Variants in RIOK1 observed in about 807,000 individuals in gnomAD.
The protein encoded by RIOK1 is serine/threonine-protein kinase RIO1.
RIOK1 carries 66 observed loss-of-function variants against 73.5 expected under a neutral mutation model. That is an observed-to-expected ratio of 0.90 (90% CI 0.74 to 1.10). RIOK1 has a LOEUF of 1.10. Ranked by LOEUF, RIOK1 falls within the 50% of genes least tolerant of loss-of-function variation. The pLI, the probability that RIOK1 is intolerant of heterozygous loss-of-function variation, is 0.00. For missense variants in RIOK1, 658 were observed against 699.8 expected, an observed-to-expected ratio of 0.94 and a Z score of 0.67; for synonymous variants, 224 against 226.8, an observed-to-expected ratio of 0.99 and a Z score of 0.11.
At chr6:7,405,170 C>T in intron 11 of RIOK1, 79 bp from the exon 12 acceptor site, 1 of 1,079,178 alleles carries the variant, frequency 9.3e-7, no homozygotes, top group Non-Finnish European at 1.4e-6. Flanking sequence ...AATTTTATCT[C>T]CTTGTTTCTC....
intron 12 of RIOK1, among the ~76,000 whole-genome samples, chr6:7,407,460 A>G (rs1453265135): frequency 6.7e-6 from 1 of 149,256 alleles, no homozygotes; most frequent in East Asian, 1.9e-4. Context: ...CTTCTTGCCC[A>G]TTTATATATT....
chr6:7,397,812 A>C (rs890444417), intron 4 of RIOK1, among the ~76,000 whole-genome samples: 1 of 152,224 alleles, frequency 6.6e-6, no homozygotes, highest in African/African-American at 2.4e-5. Context: ...GAAGCAAATC[A>C]GAGTCTGCAT....
chr6:7,397,947 T>C lies in RIOK1; in HGVS notation c.438-751T>C, dbSNP rs1314294623. 3.9e-5 allele frequency among the ~76,000 whole-genome samples: 6 copies of C among 152,214 alleles called. No homozygotes were observed. In the South Asian group the frequency reaches 6.2e-4, roughly 16 times the overall value. On this transcript the variant is annotated intron_variant, in intron 4 of 16. Transcript: ENST00000379834. Reference sequence around the variant, plus strand: ...ACAAGGTCAGGAGATCGAGACCATCTTGGCTAACAAGGTGAAATCCTGTCT... The same window carrying C: ...ACAAGGTCAGGAGATCGAGACCATCCTGGCTAACAAGGTGAAATCCTGTCT...
At chr6:7,401,222 C>T (rs1284044349) in intron 6 of RIOK1, among the ~76,000 whole-genome samples, 172 bp downstream of exon 6, 1 of 152,140 alleles carries the variant, frequency 6.6e-6, no homozygotes, top group Non-Finnish European at 1.5e-5. Context: ...TTTTCACTAC[C>T]GCTGCTGCAT....
chr6:7,413,312 C>T (rs1292739536), intron 15 of RIOK1, among the ~76,000 whole-genome samples: 1 of 152,146 alleles, frequency 6.6e-6, no homozygotes, highest in Non-Finnish European at 1.5e-5. Flanking sequence ...AATGTAGTCT[C>T]CTACCAGGGT....
At position 7,393,219 on chromosome 6, in the gene RIOK1, C is replaced by T. The variant is rs2274212; in HGVS notation, c.192C>T (p.Asp64=). 838,106 of 1,594,490 alleles carry T rather than the reference C, an allele frequency of 0.53. 213,361 individuals are homozygous for T. Among genetic ancestry groups the T allele is most frequent in the South Asian group, 0.58 (51,815 of 89,790 alleles). The part of the protein sequence containing the change: ...EIEDEEEEGY[D]DDDDDWDWDE... ...AAGATGAGGAGGAGGAGGGTTATGA[C>T]GATGATGATGATGACTGGGACTGGG... is the stretch of plus-strand genomic sequence containing the variant. The change falls in exon 2 of 17, where the codon GAC becomes GAT. Residue 64 remains aspartate, a synonymous_variant. Coordinates refer to ENST00000379834, the MANE Select transcript of RIOK1 (RefSeq NM_031480.3).
At chr6:7,395,261 C>A in intron 3 of RIOK1, 118 bp downstream of exon 3, 1 of 1,191,804 alleles carries the variant, frequency 8.4e-7, no homozygotes, top group Non-Finnish European at 1.2e-6. Context: ...CGCCTGTAAT[C>A]CCGGCACTTT....
At chr6:7,391,346 G>T (rs1761335723) in intron 1 of RIOK1, among the ~76,000 whole-genome samples, 1 of 152,090 alleles carries the variant, frequency 6.6e-6, no homozygotes, top group Non-Finnish European at 1.5e-5. Flanking sequence ...ATTCGAATTG[G>T]GTAAGTAGTA....
At chr6:7,416,606 C>CCACT (rs1051098434) in intron 16 of RIOK1, among the ~76,000 whole-genome samples, 2 of 148,582 alleles carry the variant, frequency 1.3e-5, no homozygotes, top group African/African-American at 4.9e-5. Flanking sequence ...CGAGATCACG[C>CCACT]CACTGCATGC....
chr6:7,401,742 G>A (rs1761619105), intron 6 of RIOK1, among the ~76,000 whole-genome samples: 1 of 124,758 alleles, frequency 8.0e-6, no homozygotes, highest in Admixed American at 9.5e-5. Flanking sequence ...GTGGTGGCAT[G>A]TTCTCAGCTC....
intron 4 of RIOK1, among the ~76,000 whole-genome samples, chr6:7,397,156 C>T (rs1761495751): frequency 6.6e-6 from 1 of 152,142 alleles, no homozygotes; most frequent in Non-Finnish European, 1.5e-5. Context: ...CCCAGCTACT[C>T]AGGAGGCTGA....
chr6:7,413,090 C>T, intron 15 of RIOK1, 148 bp downstream of exon 15: 1 of 450,106 alleles, frequency 2.2e-6, no homozygotes, highest in Non-Finnish European at 3.9e-6. Context: ...CTTTCAAAGT[C>T]TGTGGACATC....
Position 7,414,374 on chromosome 6 carries a change from C to G in RIOK1, c.1580C>G (p.Pro527Arg), listed in dbSNP as rs1761951726. 6.2e-7 allele frequency: 1 copy of G among 1,602,946 alleles called. No individual in the cohort carries two copies. The highest frequency in any genetic ancestry group is 8.5e-7 in the Non-Finnish European group (1 of 1,177,124). ...CGCCCCAAGAAACACACCACGGACCCTGACATTGATAAAAAAGTAAGCAAT... is the reference window on the plus strand; with the variant it reads ...CGCCCCAAGAAACACACCACGGACCGTGACATTGATAAAAAAGTAAGCAAT... ...HARPKKHTTD[P>R]DIDKKERKKM... Residue 527 changes from proline to arginine, a missense_variant, in exon 16 of 17, where the codon CCT becomes CGT. Coordinates refer to ENST00000379834, the MANE Select transcript of RIOK1 (RefSeq NM_031480.3).
At position 7,389,832 on chromosome 6, in the gene RIOK1, T is replaced by G. The variant is rs545752117; in HGVS notation, c.-171T>G. On this transcript the variant is annotated 5_prime_UTR_variant, in exon 1 of 17. Transcript: ENST00000379834. ...GGGGCTTCCGGTTGGGGTGGCAGGG[T>G]GGTGGATCTGTCGGTCCCGTTTTCC... 1.6e-6 allele frequency: 1 copy of G among 608,504 alleles called. No individual in the cohort carries two copies. 37.7% of individuals were successfully genotyped at this position (608,504 alleles called of 1,614,324 possible). A position where few individuals can be genotyped will look rare whatever the true frequency, so the allele number is the denominator to read the frequency against.
intron 15 of RIOK1, 32 bp downstream of exon 15, chr6:7,412,974 G>A: frequency 7.4e-7 from 1 of 1,348,688 alleles, no homozygotes. Context: ...GTTTGTTTAT[G>A]TGAAAACAGT....
At chr6:7,404,785 C>A in intron 10 of RIOK1, 133 bp from the exon 11 acceptor site, 1 of 894,032 alleles carries the variant, frequency 1.1e-6, no homozygotes, top group African/African-American at 1.7e-5. Flanking sequence ...ATCTGTTAGT[C>A]AAGATTGCCT....
At position 7,394,152 on chromosome 6, in the gene RIOK1, G is replaced by A. The variant is rs977564063; in HGVS notation, c.276+849G>A. Among the ~76,000 whole-genome samples the A allele has an allele frequency of 5.0e-4, 76 of 152,256 alleles. No individual in the cohort carries two copies. In the Middle Eastern group the frequency reaches 0.014, roughly 27 times the overall value. On this transcript the variant is annotated intron_variant, in intron 2 of 16. Transcript: ENST00000379834. ...CTTTGACCATTAAAATGGCTATATCGGCTGGGCGCAGTGGCTCCTGCCTCT... is the reference window on the plus strand; with the variant it reads ...CTTTGACCATTAAAATGGCTATATCAGCTGGGCGCAGTGGCTCCTGCCTCT...
intron 4 of RIOK1, 128 bp from the exon 5 acceptor site, chr6:7,398,565 AATCAT>A: frequency 1.5e-6 from 1 of 656,472 alleles, no homozygotes; most frequent in Non-Finnish European, 2.7e-6. Flanking sequence ...AAAAATCTAC[AATCAT>A]ATCATAAAAT....
chr6:7,404,314 T>C, intron 9 of RIOK1, 104 bp from the exon 10 acceptor site: 1 of 1,330,134 alleles, frequency 7.5e-7, no homozygotes, highest in Non-Finnish European at 1.0e-6. Flanking sequence ...TTGTCCCACA[T>C]ACAGCTCACA....
Sources: gnomAD v4.1 joint callset for allele counts (sites outside exome capture counted in the v4.1 genomes callset) on GRCh38, gnomAD v4.1.1 for gene constraint, MANE v1.5 for transcripts, NCBI Gene and HGNC (gene_info 2026-07-23, HGNC 2026-07-21) for gene names.